Variants in C10orf90 observed in about 807,000 individuals in gnomAD.
C10orf90 encodes the protein (E2-independent) E3 ubiquitin-conjugating enzyme FATS.
Under a neutral mutation model 62.5 loss-of-function variants are expected in C10orf90, and 56 were observed. That is an observed-to-expected ratio of 0.90 (90% CI 0.72 to 1.12). C10orf90 has a LOEUF of 1.12. Among genes scored for constraint, C10orf90 ranks in the 50% most tolerant of loss-of-function variants. C10orf90 has a pLI of 0.00. For synonymous variants in C10orf90, 386 were observed against 340.4 expected (o/e 1.13, Z -1.47); for missense variants, 970 against 880.4 (o/e 1.10, Z -1.29).
intron 4 of C10orf90, 56 bp downstream of exon 4, chr10:126,503,901 C>A: frequency 6.5e-7 from 1 of 1,538,694 alleles, no homozygotes; most frequent in Non-Finnish European, 8.7e-7. Flanking sequence ...ACTCAACAGT[C>A]ACCTTGCTAG....
intron 2 of C10orf90, among the ~76,000 whole-genome samples, chr10:126,524,043 T>C (rs1457398381): frequency 6.6e-6 from 1 of 152,220 alleles, no homozygotes; most frequent in African/African-American, 2.4e-5. Flanking sequence ...CAAACATGTA[T>C]CCAAGTCTCT....
chr10:126,533,794 A>G (rs1405987960), intron 2 of C10orf90, among the ~76,000 whole-genome samples: 1 of 152,244 alleles, frequency 6.6e-6, no homozygotes, highest in Non-Finnish European at 1.5e-5. Context: ...TAAGGCATCA[A>G]ATGCTCTTAG....
chr10:126,535,916 C>T (rs1564861630), intron 2 of C10orf90, among the ~76,000 whole-genome samples: 1 of 152,198 alleles, frequency 6.6e-6, no homozygotes, highest in Non-Finnish European at 1.5e-5. Flanking sequence ...CAAGAACCAT[C>T]TGACGTCAGT....
At chr10:126,469,863 A>T (rs1014468414) in intron 4 of C10orf90, 1 of 456,758 alleles carries the variant, frequency 2.2e-6, no homozygotes, top group South Asian at 1.5e-5. Context: ...GGGCGCCTGC[A>T]GGTGAGTTGA....
intron 2 of C10orf90, among the ~76,000 whole-genome samples, chr10:126,540,247 T>C (rs937506962): frequency 6.6e-6 from 1 of 152,224 alleles, no homozygotes. Context: ...AACATCTTTC[T>C]AGATGAAAAA....
intron 2 of C10orf90, among the ~76,000 whole-genome samples, chr10:126,517,908 CAAAA>C (rs34182199): frequency 3.6e-4 from 29 of 80,818 alleles, no homozygotes; most frequent in Admixed American, 6.9e-4. Flanking sequence ...GACTCCATCT[CAAAA>C]AAAAAAAAAA....
chr10:126,514,272 C>A (rs1428860595), intron 2 of C10orf90, among the ~76,000 whole-genome samples: 3 of 152,166 alleles, frequency 2.0e-5, no homozygotes, highest in African/African-American at 4.8e-5. Context: ...GAGAGACTCA[C>A]ATCTATAGAT....
intron 2 of C10orf90, among the ~76,000 whole-genome samples, chr10:126,525,744 G>A (rs1863922401): frequency 6.6e-6 from 1 of 152,102 alleles, no homozygotes; most frequent in Admixed American, 6.5e-5. Context: ...ACTCAAAGTG[G>A]CCTCTCTACA....
At chr10:126,502,216 A>G (rs528639711) in intron 4 of C10orf90, among the ~76,000 whole-genome samples, 2 of 152,304 alleles carry the variant, frequency 1.3e-5, no homozygotes, top group South Asian at 4.1e-4. Context: ...AAATTCATCC[A>G]TGTAACCAAG....
Position 126,456,086 on chromosome 10 carries a change from C to T in C10orf90, c.2188+2954G>A, listed in dbSNP as rs547898074. Among the ~76,000 whole-genome samples, 41 of 152,234 alleles carry T rather than the reference C, an allele frequency of 2.7e-4. No individual in the cohort carries two copies. The highest frequency in any genetic ancestry group is 7.2e-4 in the Admixed American group (11 of 15,288). Reference sequence around the variant, plus strand: ...ACGCCTTGACACTGTAGCCAAAGCTCGTTCACGCATATGATTTATGAACTA... The same window carrying T: ...ACGCCTTGACACTGTAGCCAAAGCTTGTTCACGCATATGATTTATGAACTA... On this transcript the variant is annotated intron_variant, in intron 7 of 9. Transcript: ENST00000488181. The surrounding 1 kb of genome is among the most constrained non-coding windows in gnomAD (Gnocchi z 4.9).
At chr10:126,592,473 G>A (rs933135890) in intron 2 of C10orf90, among the ~76,000 whole-genome samples, 1 of 152,162 alleles carries the variant, frequency 6.6e-6, no homozygotes, top group South Asian at 2.1e-4. Flanking sequence ...ATGGTGCTGG[G>A]AGAACTGGCT....
intron 1 of C10orf90, among the ~76,000 whole-genome samples, chr10:126,647,652 C>T (rs187373996): frequency 1.2e-4 from 18 of 152,324 alleles, no homozygotes; most frequent in African/African-American, 4.1e-4. Flanking sequence ...TCTGCCCCTC[C>T]CCATGGCTCA....
rs549244573 is a variant in C10orf90, at chr10:126,544,769, A to C, written c.314-30830T>G. Among the ~76,000 whole-genome samples the C allele has an allele frequency of 3.3e-5, 5 of 152,252 alleles. No homozygotes were observed. In the South Asian group the frequency reaches 1.0e-3, roughly 32 times the overall value. On this transcript the variant is annotated intron_variant, in intron 2 of 9. Transcript: ENST00000488181. ...TTCATGGGCTGGGAGAGGTCCTCTG[A>C]AGTCCATTCTTCCCTGATGGTGTAA...
chr10:126,574,317 T>G (rs2134007372), intron 2 of C10orf90, among the ~76,000 whole-genome samples: 1 of 151,868 alleles, frequency 6.6e-6, no homozygotes, highest in Admixed American at 6.6e-5. Context: ...CTAAAATAGA[T>G]AAGGAAAAAC....
intron 2 of C10orf90, among the ~76,000 whole-genome samples, chr10:126,556,180 G>A (rs1325564807): frequency 1.3e-5 from 2 of 152,192 alleles, no homozygotes; most frequent in South Asian, 2.1e-4. Flanking sequence ...TGAGTGCTGT[G>A]TCCTGTAACT....
chr10:126,622,513 T>C (rs1285521215), intron 2 of C10orf90, among the ~76,000 whole-genome samples: 1 of 152,164 alleles, frequency 6.6e-6, no homozygotes, highest in African/African-American at 2.4e-5. Context: ...AAGGAGGAGG[T>C]ACCACTGCTA....
At chr10:126,611,421 C>T (rs375488823) in intron 2 of C10orf90, among the ~76,000 whole-genome samples, 45 of 151,446 alleles carry the variant, frequency 3.0e-4, no homozygotes, top group South Asian at 6.4e-4. Context: ...TTGAGCTGTT[C>T]CCATTTTTTG....
At chr10:126,474,534 C>G (rs143540322) in intron 4 of C10orf90, among the ~76,000 whole-genome samples, 2,196 of 152,164 alleles carry the variant, frequency 0.014, 50 homozygotes, top group African/African-American at 0.049. Context: ...TCTGCTAGAA[C>G]AAAAACACAA....
intron 2 of C10orf90, among the ~76,000 whole-genome samples, chr10:126,557,223 T>C (rs1314812066): frequency 6.6e-6 from 1 of 151,998 alleles, no homozygotes; most frequent in East Asian, 1.9e-4. Context: ...GGCTGACACC[T>C]GTAAGCCCAG....
Sources: gnomAD v4.1 joint callset for allele counts (sites outside exome capture counted in the v4.1 genomes callset) on GRCh38, gnomAD v4.1.1 for gene constraint, Gnocchi (gnomAD v3.1) non-coding constraint, MANE v1.5 for transcripts, NCBI Gene and HGNC (gene_info 2026-07-23, HGNC 2026-07-21) for gene names.